GMDS: variants seen among roughly 807,000 people sequenced by gnomAD.
The protein encoded by GMDS is GDP-mannose 4,6 dehydratase.
GMDS carries 20 observed loss-of-function variants against 49.9 expected under a neutral mutation model. The ratio of observed to expected loss-of-function variants is 0.40; its 90% CI spans 0.28 to 0.58. The LOEUF is 0.58. Among genes scored for constraint, GMDS ranks in the 20% least tolerant of loss-of-function variants. The pLI, the probability that GMDS is intolerant of heterozygous loss-of-function variation, is 0.42. For missense variants in GMDS, 362 were observed against 481.4 expected (o/e 0.75, Z 2.32); for synonymous variants, 177 against 178.6 (o/e 0.99, Z 0.07).
intron 9 of GMDS, among the ~76,000 whole-genome samples, chr6:1,670,109 C>T (rs1414670041): frequency 6.6e-6 from 1 of 151,910 alleles, no homozygotes; most frequent in Non-Finnish European, 1.5e-5. Flanking sequence ...CTCCTGGAAG[C>T]CTCAAGTCAG....
intron 8 of GMDS, among the ~76,000 whole-genome samples, chr6:1,738,056 C>T (rs1261507534): frequency 6.8e-6 from 1 of 146,988 alleles, no homozygotes; most frequent in Non-Finnish European, 1.5e-5. Flanking sequence ...ACATACACCA[C>T]ACACATACAC....
intron 1 of GMDS, among the ~76,000 whole-genome samples, chr6:2,243,680 T>C (rs538733993): frequency 1.3e-5 from 2 of 152,162 alleles, no homozygotes; most frequent in East Asian, 1.9e-4. Flanking sequence ...CTTACTAGTT[T>C]TCAAACTCAG....
At chr6:2,014,884 AT>A (rs1188996142) in intron 4 of GMDS, among the ~76,000 whole-genome samples, 3 of 152,168 alleles carry the variant, frequency 2.0e-5, no homozygotes, top group Non-Finnish European at 4.4e-5. Context: ...GGATAAGTGT[AT>A]ATCATGCCAA....
intron 4 of GMDS, among the ~76,000 whole-genome samples, chr6:2,032,574 A>G (rs996185815): frequency 6.6e-6 from 1 of 152,208 alleles, no homozygotes; most frequent in Admixed American, 6.5e-5. Context: ...ACTGATGCCT[A>G]CTACACAACA....
intron 4 of GMDS, among the ~76,000 whole-genome samples, chr6:2,005,830 C>T (rs1189928430): frequency 2.0e-5 from 3 of 152,136 alleles, no homozygotes; most frequent in African/African-American, 4.8e-5. Flanking sequence ...GAAATATGTT[C>T]CCTTCCCTTG....
Position 1,640,588 on chromosome 6 carries a change from G to A in GMDS, c.988-16048C>T, listed in dbSNP as rs968103260. On this transcript the variant is annotated intron_variant, in intron 9 of 10. Coordinates refer to ENST00000380815, the MANE Select transcript of GMDS (RefSeq NM_001500.4). The surrounding 1 kb of genome is among the most constrained non-coding windows in gnomAD (Gnocchi z 4.0). Reference sequence around the variant, plus strand: ...GTGCCTTCTAGGTGCCCGTTTTGGAGAGAATACATTTCTTATAAACAGCAG... The same window carrying A: ...GTGCCTTCTAGGTGCCCGTTTTGGAAAGAATACATTTCTTATAAACAGCAG... Among the ~76,000 whole-genome samples, 1 of 152,174 alleles carries A rather than the reference G, an allele frequency of 6.6e-6. No individual in the cohort carries two copies.
At chr6:1,719,333 G>A (rs1158580014) in intron 9 of GMDS, among the ~76,000 whole-genome samples, 4 of 152,118 alleles carry the variant, frequency 2.6e-5, no homozygotes, top group African/African-American at 9.7e-5. Context: ...AAGGCATGCA[G>A]GGTGAGAAAG....
chr6:1,832,865 C>G (rs1464067807), intron 7 of GMDS, among the ~76,000 whole-genome samples: 1 of 152,192 alleles, frequency 6.6e-6, no homozygotes, highest in Non-Finnish European at 1.5e-5. Flanking sequence ...GCGGAAAAGT[C>G]AGCATGAACA....
At chr6:1,649,242 C>T (rs998491479) in intron 9 of GMDS, among the ~76,000 whole-genome samples, 2 of 152,034 alleles carry the variant, frequency 1.3e-5, no homozygotes, top group Admixed American at 6.6e-5. Flanking sequence ...AGACATTAGC[C>T]GATTACTCTT....
intron 4 of GMDS, among the ~76,000 whole-genome samples, chr6:2,073,052 C>T (rs768759476): frequency 6.6e-6 from 1 of 152,192 alleles, no homozygotes; most frequent in Non-Finnish European, 1.5e-5. Flanking sequence ...TCTGTTTCCA[C>T]CATGGGATGT....
At chr6:1,978,990 AAAAC>A (rs1179477218) in intron 4 of GMDS, among the ~76,000 whole-genome samples, 2 of 152,220 alleles carry the variant, frequency 1.3e-5, no homozygotes, top group Non-Finnish European at 2.9e-5. Context: ...CAGACTATTA[AAAAC>A]AAACAAACAT....
chr6:2,101,993 T>A (rs905158246), intron 4 of GMDS, among the ~76,000 whole-genome samples: 6 of 152,132 alleles, frequency 3.9e-5, no homozygotes, highest in African/African-American at 7.2e-5. Flanking sequence ...GGAATGCTAC[T>A]TAATTAACCA....
chr6:1,654,150 C>T lies in GMDS; in HGVS notation c.988-29610G>A, dbSNP rs143343112. On this transcript the variant is annotated intron_variant, in intron 9 of 10. Coordinates refer to ENST00000380815, the MANE Select transcript of GMDS (RefSeq NM_001500.4). ...ATGTAGAAACTGGAATCCTTGTGCT[C>T]TGATGATTGGAATGTAAAACTCTGC... Among the ~76,000 whole-genome samples, 30 of 152,276 alleles carry T rather than the reference C, an allele frequency of 2.0e-4. 1 individual carries two copies. Among genetic ancestry groups the T allele is most frequent in the Middle Eastern group, 6.8e-3 (2 of 294 alleles).
chr6:1,773,398 C>T (rs899730695), intron 7 of GMDS, among the ~76,000 whole-genome samples: 18 of 151,998 alleles, frequency 1.2e-4, no homozygotes, highest in Admixed American at 6.5e-5. Context: ...GTTTAGCGCT[C>T]AGCAATGTTG....
At chr6:1,920,234 C>G (rs1389571314) in intron 7 of GMDS, among the ~76,000 whole-genome samples, 2 of 152,226 alleles carry the variant, frequency 1.3e-5, no homozygotes, top group African/African-American at 4.8e-5. Flanking sequence ...TGAGGATGAG[C>G]CTGGGAACCT....
At chr6:2,113,690 C>A (rs973048892) in intron 4 of GMDS, among the ~76,000 whole-genome samples, 6 of 152,172 alleles carry the variant, frequency 3.9e-5, no homozygotes, top group African/African-American at 1.4e-4. Context: ...TCTCTCTTAC[C>A]CTCCTCTAAA....
At chr6:1,652,856 C>T (rs1179118065) in intron 9 of GMDS, among the ~76,000 whole-genome samples, 1 of 138,226 alleles carries the variant, frequency 7.2e-6, no homozygotes, top group Non-Finnish European at 1.5e-5. Flanking sequence ...CCTGCTTCTG[C>T]TTGTGGGATG....
rs554930828 is a variant in GMDS at position 2,211,383 on chromosome 6, C to A, written c.102+33938G>T. On this transcript the variant is annotated intron_variant, in intron 1 of 10. Transcript: ENST00000380815. ...TGCTGAAGAAGTAATAAAATAATCT[C>A]AAGTATCTATTTGTTTTCCAAATGA... Among the ~76,000 whole-genome samples the A allele has an allele frequency of 2.6e-5, 4 of 152,284 alleles. No homozygotes were observed. The East Asian group carries it at 7.7e-4, about 29-fold the overall frequency.
At chr6:2,144,290 C>G (rs893469056) in intron 1 of GMDS, among the ~76,000 whole-genome samples, 1 of 152,198 alleles carries the variant, frequency 6.6e-6, no homozygotes, top group Admixed American at 6.5e-5. Flanking sequence ...ACAGTAGAGG[C>G]TCAGGAATCA....
Sources: gnomAD v4.1 joint callset for allele counts (sites outside exome capture counted in the v4.1 genomes callset) on GRCh38, gnomAD v4.1.1 for gene constraint, Gnocchi (gnomAD v3.1) non-coding constraint, MANE v1.5 for transcripts, NCBI Gene and HGNC (gene_info 2026-07-23, HGNC 2026-07-21) for gene names.